The following DLGAP1 variants were observed in gnomAD, a reference collection of about 807,000 sequenced individuals.
DLGAP1 encodes the protein DLG associated protein 1.
Under a neutral mutation model 90.8 loss-of-function variants are expected in DLGAP1, and 11 were observed. The ratio of observed to expected loss-of-function variants is 0.12; its 90% CI spans 0.08 to 0.20. DLGAP1 has a LOEUF of 0.20. Among genes scored for constraint, DLGAP1 ranks in the 10% least tolerant of loss-of-function variants. The pLI is 1.00. For missense variants in DLGAP1, 1,050 were observed against 1,333.8 expected, an observed-to-expected ratio of 0.79 and a Z score of 3.31; for synonymous variants, 558 against 540.7, an observed-to-expected ratio of 1.03 and a Z score of -0.44.
At chr18:3,657,688 C>T (rs13381604) in intron 7 of DLGAP1, among the ~76,000 whole-genome samples, 27,349 of 150,520 alleles carry the variant, frequency 0.18, 6,036 homozygotes, top group African/African-American at 0.53. Context: ...CTGCAAGCTC[C>T]GCCTCCCGGG....
chr18:3,837,834 A>G (rs1209483283), intron 4 of DLGAP1, among the ~76,000 whole-genome samples: 2 of 137,272 alleles, frequency 1.5e-5, no homozygotes, highest in African/African-American at 2.8e-5. Context: ...CCTGGGCGAC[A>G]GAGTGAGATT....
intron 5 of DLGAP1, among the ~76,000 whole-genome samples, chr18:3,796,829 G>T (rs925600251): frequency 1.3e-5 from 2 of 152,176 alleles, no homozygotes; most frequent in Non-Finnish European, 2.9e-5. Flanking sequence ...TCATGGCTGA[G>T]GTGCATCACG....
At chr18:3,665,264 C>A (rs2059837611) in intron 7 of DLGAP1, among the ~76,000 whole-genome samples, 3 of 151,414 alleles carry the variant, frequency 2.0e-5, no homozygotes, top group Non-Finnish European at 4.4e-5. Flanking sequence ...GGAGCTCTTC[C>A]CCCTCCCCCC....
intron 1 of DLGAP1, among the ~76,000 whole-genome samples, chr18:4,348,134 C>T (rs772079785): frequency 6.6e-6 from 1 of 152,040 alleles, no homozygotes; most frequent in Admixed American, 6.6e-5. Flanking sequence ...GGAAAAGTAT[C>T]CATACATATT....
intron 2 of DLGAP1, among the ~76,000 whole-genome samples, chr18:4,150,222 T>A (rs2076652401): frequency 6.6e-6 from 1 of 152,126 alleles, no homozygotes; most frequent in African/African-American, 2.4e-5. Context: ...ACAAAGACAA[T>A]AGCTTATTAT....
intron 3 of DLGAP1, among the ~76,000 whole-genome samples, chr18:3,887,878 G>A (rs745433647): frequency 5.3e-5 from 8 of 151,828 alleles, no homozygotes; most frequent in African/African-American, 1.9e-4. Flanking sequence ...GGAGGCCGAG[G>A]TGGGCGGATC....
At chr18:3,784,511 A>T (rs1406590492) in intron 5 of DLGAP1, among the ~76,000 whole-genome samples, 5 of 152,128 alleles carry the variant, frequency 3.3e-5, no homozygotes, top group Admixed American at 6.5e-5. Flanking sequence ...TCCTCTGTTC[A>T]GGTGTCCAAA....
At chr18:3,953,552 T>C (rs2148969067) in intron 3 of DLGAP1, among the ~76,000 whole-genome samples, 1 of 135,286 alleles carries the variant, frequency 7.4e-6, no homozygotes, top group Non-Finnish European at 1.7e-5. Flanking sequence ...CCATCATATA[T>C]ATGTACACTA....
At chr18:4,421,313 C>A (rs2083023605) in intron 1 of DLGAP1, among the ~76,000 whole-genome samples, 1 of 152,120 alleles carries the variant, frequency 6.6e-6, no homozygotes. Context: ...TACCTCAAAA[C>A]TCCCTCAATC....
chr18:4,309,291 G>A (rs764816241), intron 1 of DLGAP1, among the ~76,000 whole-genome samples: 7 of 152,156 alleles, frequency 4.6e-5, no homozygotes, highest in African/African-American at 1.4e-4. Context: ...TGGAAAGAGC[G>A]CACATAGCAA....
intron 2 of DLGAP1, among the ~76,000 whole-genome samples, chr18:4,047,880 G>C (rs367690881): frequency 1.2e-4 from 19 of 152,260 alleles, no homozygotes; most frequent in African/African-American, 4.1e-4. Flanking sequence ...ACTGCAGTCT[G>C]GTCTTCCCAG....
intron 5 of DLGAP1, among the ~76,000 whole-genome samples, chr18:3,747,834 A>G (rs946566133): frequency 1.3e-5 from 2 of 152,228 alleles, no homozygotes; most frequent in African/African-American, 4.8e-5. Context: ...CACACAAAAT[A>G]TAAGGAAATG....
intron 1 of DLGAP1, among the ~76,000 whole-genome samples, chr18:4,442,092 AGCAATTCTTCTGCCTCAGTC>A (rs2083549700): frequency 2.6e-5 from 4 of 152,202 alleles, no homozygotes; most frequent in African/African-American, 9.7e-5. Context: ...CCTGGGTTCA[AGCAATTCTTCTGCCTCAGTC>A]TCCCAAGTAG....
chr18:3,703,626 C>T (rs1487981727), intron 7 of DLGAP1, among the ~76,000 whole-genome samples: 10 of 152,334 alleles, frequency 6.6e-5, no homozygotes. Flanking sequence ...GATATGGACA[C>T]ATTCTCTGCA....
At chr18:3,656,091 T>G in intron 7 of DLGAP1, 3 of 1,546,626 alleles carry the variant, frequency 1.9e-6, no homozygotes, top group Non-Finnish European at 2.6e-6. Flanking sequence ...TACCTTCAAC[T>G]GCAGAACTCA....
chr18:4,208,077 G>A (rs1297585327), intron 1 of DLGAP1, among the ~76,000 whole-genome samples: 2 of 152,064 alleles, frequency 1.3e-5, no homozygotes, highest in Non-Finnish European at 2.9e-5. Context: ...ACAGCTGCAC[G>A]GAGAAAATTT....
At chr18:4,008,959 G>C (rs375112874) in intron 2 of DLGAP1, among the ~76,000 whole-genome samples, 2 of 152,024 alleles carry the variant, frequency 1.3e-5, no homozygotes, top group East Asian at 3.9e-4. Flanking sequence ...GCTGGAGTGC[G>C]GTGGCGCGAT....
At chr18:3,963,583 G>GTT (rs35099419) in intron 3 of DLGAP1, among the ~76,000 whole-genome samples, 36 of 117,566 alleles carry the variant, frequency 3.1e-4, no homozygotes, top group African/African-American at 3.9e-4. Flanking sequence ...ACTTTGGGCT[G>GTT]TTTTTTTTTT....
chr18:4,422,081 T>C (rs1443386482), intron 1 of DLGAP1, among the ~76,000 whole-genome samples: 1 of 152,074 alleles, frequency 6.6e-6, no homozygotes, highest in Non-Finnish European at 1.5e-5. Context: ...GGTTCATATG[T>C]GAATGTGCAA....
Sources: gnomAD v4.1 joint callset for allele counts (sites outside exome capture counted in the v4.1 genomes callset) on GRCh38, gnomAD v4.1.1 for gene constraint, MANE v1.5 for transcripts, NCBI Gene and HGNC (gene_info 2026-07-23, HGNC 2026-07-21) for gene names.